Variants in GREM2 observed in about 807,000 individuals in gnomAD.
GREM2 encodes gremlin 2, DAN family BMP antagonist, also known as gremlin-2.
Under a neutral mutation model 14.2 loss-of-function variants are expected in GREM2, and 11 were observed. The ratio of observed to expected loss-of-function variants is 0.78; its 90% CI spans 0.49 to 1.28. The LOEUF is 1.28. GREM2 is among the 50% of genes most tolerant of loss of function. The pLI is 0.00. For missense variants in GREM2, 210 were observed against 218.5 expected, an observed-to-expected ratio of 0.96 and a Z score of 0.24; for synonymous variants, 98 against 97.6, an observed-to-expected ratio of 1.00 and a Z score of -0.02.
intron 1 of GREM2, chr1:240,531,530 T>G (rs1385530060): frequency 1.1e-5 from 6 of 553,324 alleles, no homozygotes; most frequent in Non-Finnish European, 1.4e-5. Context: ...TGAGTGCTTC[T>G]TCTTTTCATT....
intron 1 of GREM2, among the ~76,000 whole-genome samples, chr1:240,517,737 A>G (rs1677982949): frequency 6.6e-6 from 1 of 152,132 alleles, no homozygotes; most frequent in Non-Finnish European, 1.5e-5. Flanking sequence ...ACACACATCA[A>G]ATAGCTCCTG....
chr1:240,584,968 T>C (rs1308790034), intron 1 of GREM2, among the ~76,000 whole-genome samples: 1 of 152,078 alleles, frequency 6.6e-6, no homozygotes, highest in Non-Finnish European at 1.5e-5. Flanking sequence ...TTTGCCTTTT[T>C]TGTAGTTTCC....
At chr1:240,567,577 G>A (rs932082102) in intron 1 of GREM2, among the ~76,000 whole-genome samples, 2 of 151,988 alleles carry the variant, frequency 1.3e-5, no homozygotes, top group South Asian at 2.1e-4. Flanking sequence ...TCAACAAAAT[G>A]ATTTTTCTAG....
At chr1:240,515,780 T>G (rs958401274) in intron 1 of GREM2, among the ~76,000 whole-genome samples, 2 of 152,198 alleles carry the variant, frequency 1.3e-5, no homozygotes, top group Non-Finnish European at 2.9e-5. Flanking sequence ...ATCTTTTGTC[T>G]GAGGGAAACA....
chr1:240,493,228 C>T lies in GREM2; in HGVS notation c.248G>A (p.Ser83Asn), dbSNP rs750533945. 2.5e-6 allele frequency: 4 copies of T among 1,614,034 alleles called. No individual in the cohort carries two copies. The highest frequency in any genetic ancestry group is 3.4e-6 in the Non-Finnish European group (4 of 1,180,036). The change falls in exon 2 of 2, where the codon AGC becomes AAC. Residue 83 changes from serine to asparagine, a missense_variant. Transcript: ENST00000318160. ...CKTQPLRQTV[S>N]EEGCRSRTIL... is the part of the protein sequence containing the mutation. The stretch of plus-strand genomic sequence containing the variant: ...GGTGCGGCTCCGGCAGCCCTCCTCG[C>T]TCACCGTCTGCCGCAGCGGCTGCGT...
At chr1:240,598,591 G>A (rs1679863726) in intron 1 of GREM2, among the ~76,000 whole-genome samples, 1 of 152,174 alleles carries the variant, frequency 6.6e-6, no homozygotes, top group Non-Finnish European at 1.5e-5. Flanking sequence ...TAGAGCTCAG[G>A]AGTTTTGCTC....
intron 1 of GREM2, among the ~76,000 whole-genome samples, chr1:240,589,591 C>T (rs771276377): frequency 3.3e-5 from 5 of 152,062 alleles, no homozygotes; most frequent in Non-Finnish European, 7.4e-5. Context: ...CTAAGGGTGC[C>T]TTGTTCCTAT....
At chr1:240,536,199 C>T (rs74149156) in intron 1 of GREM2, among the ~76,000 whole-genome samples, 180 of 152,290 alleles carry the variant, frequency 1.2e-3, no homozygotes, top group African/African-American at 4.2e-3. Context: ...TATTCATTCA[C>T]TTACTTATTT....
chr1:240,602,841 A>G (rs1028721342), intron 1 of GREM2, among the ~76,000 whole-genome samples: 1 of 151,778 alleles, frequency 6.6e-6, no homozygotes, highest in African/African-American at 2.4e-5. Flanking sequence ...TGGGAGGCCG[A>G]GGCAGGCGGA....
intron 1 of GREM2, among the ~76,000 whole-genome samples, chr1:240,494,065 G>A (rs1677341622): frequency 6.6e-6 from 1 of 152,268 alleles, no homozygotes; most frequent in Non-Finnish European, 1.5e-5. Flanking sequence ...AGCAAATGCT[G>A]GGAAGAGAGA....
rs187064544 is a variant in GREM2 at position 240,610,862 on chromosome 1, C to T, written c.-2+1022G>A. On this transcript the variant is annotated intron_variant, in intron 1 of 1. Coordinates refer to ENST00000318160, the MANE Select transcript of GREM2 (RefSeq NM_022469.4). ...TCAGAGCCACATGAATACCAGCCAG[C>T]CCTTGAAGACTGCAAAGCAAGACCA... 4.2e-4 allele frequency among the ~76,000 whole-genome samples: 64 copies of T among 152,256 alleles called. 1 individual carries two copies. Among genetic ancestry groups the T allele is most frequent in the African/African-American group, 1.5e-3 (63 of 41,548 alleles).
intron 1 of GREM2, among the ~76,000 whole-genome samples, chr1:240,555,666 G>A (rs1678942663): frequency 6.6e-6 from 1 of 152,204 alleles, no homozygotes; most frequent in Non-Finnish European, 1.5e-5. Flanking sequence ...TATTTTGGAT[G>A]TAGATGATAC....
intron 1 of GREM2, among the ~76,000 whole-genome samples, chr1:240,553,799 C>T (rs1391420669): frequency 6.6e-6 from 1 of 152,176 alleles, no homozygotes; most frequent in African/African-American, 2.4e-5. Flanking sequence ...CTTAATTCTC[C>T]TCATAAAGTT....
chr1:240,528,287 T>C (rs1174659878), intron 1 of GREM2, among the ~76,000 whole-genome samples: 4 of 152,188 alleles, frequency 2.6e-5, no homozygotes. Flanking sequence ...TTTCGTTTTT[T>C]ACTATGCCTC....
At chr1:240,602,867 A>T (rs981365480) in intron 1 of GREM2, among the ~76,000 whole-genome samples, 2 of 151,648 alleles carry the variant, frequency 1.3e-5, no homozygotes, top group Non-Finnish European at 2.9e-5. Flanking sequence ...AGGTCAGGAG[A>T]TCGAGACCAT....
At chr1:240,568,346 G>T (rs1474191621) in intron 1 of GREM2, among the ~76,000 whole-genome samples, 1 of 151,940 alleles carries the variant, frequency 6.6e-6, no homozygotes, top group African/African-American at 2.4e-5. Flanking sequence ...ATAGCAATAT[G>T]CCAACAAAGG....
intron 1 of GREM2, among the ~76,000 whole-genome samples, chr1:240,514,202 G>A (rs1258028986): frequency 1.5e-5 from 2 of 136,222 alleles, no homozygotes; most frequent in African/African-American, 5.7e-5. Flanking sequence ...AGCTGAGATT[G>A]CGTCATTATA....
chr1:240,521,445 A>T (rs9428849), intron 1 of GREM2, among the ~76,000 whole-genome samples: 1 of 150,604 alleles, frequency 6.6e-6, no homozygotes, highest in African/African-American at 2.5e-5. Context: ...GTGAGGGGCG[A>T]CTGTAGTCCC....
chr1:240,564,706 G>A (rs1679142289), intron 1 of GREM2, among the ~76,000 whole-genome samples: 1 of 152,124 alleles, frequency 6.6e-6, no homozygotes, highest in Non-Finnish European at 1.5e-5. Context: ...AGGTCATATG[G>A]TTCTGTAACA....
Sources: allele counts gnomAD v4.1 joint callset (sites outside exome capture counted in the v4.1 genomes callset), GRCh38; gene constraint gnomAD v4.1.1; transcripts MANE v1.5; gene names NCBI Gene and HGNC (gene_info 2026-07-23, HGNC 2026-07-21).